Variants in NFIA observed in about 807,000 individuals in gnomAD.
NFIA encodes the protein nuclear factor 1 A-type.
A neutral mutation model predicts 62.8 loss-of-function variants in NFIA; 8 were observed. That is an observed-to-expected ratio of 0.13 (90% CI 0.07 to 0.23). The LOEUF (loss-of-function observed/expected upper bound fraction) is 0.23, where lower values mean the gene tolerates loss of function less well. Among genes scored for constraint, NFIA ranks in the 10% least tolerant of loss-of-function variants. The probability of loss-of-function intolerance (pLI) is 1.00; values close to 1 mark genes in which losing one functional copy is unlikely to be tolerated. For synonymous variants in NFIA, 235 were observed against 238.1 expected, an observed-to-expected ratio of 0.99 and a Z score of 0.12; for missense variants, 410 against 642.1, an observed-to-expected ratio of 0.64 and a Z score of 3.91.
At chr1:61,362,327 G>A (rs1663341710) in intron 6 of NFIA, among the ~76,000 whole-genome samples, 2 of 152,180 alleles carry the variant, frequency 1.3e-5, no homozygotes, top group African/African-American at 4.8e-5. Flanking sequence ...TGCACCAGCA[G>A]CCTCTTGGTT....
chr1:61,170,618 A>C (rs1649896016), intron 2 of NFIA, among the ~76,000 whole-genome samples: 1 of 152,070 alleles, frequency 6.6e-6, no homozygotes, highest in African/African-American at 2.4e-5. Flanking sequence ...ACACCCCCAG[A>C]CCTTTTTTTG....
intron 2 of NFIA, among the ~76,000 whole-genome samples, chr1:61,259,593 A>AAAGGGAG (rs1408035933): frequency 6.6e-6 from 1 of 152,144 alleles, no homozygotes; most frequent in Non-Finnish European, 1.5e-5. Context: ...AAGGGAAAGG[A>AAAGGGAG]TTCTGACGTT....
chr1:61,161,621 GCAGA>G (rs1245258086), intron 2 of NFIA, among the ~76,000 whole-genome samples: 19 of 141,392 alleles, frequency 1.3e-4, no homozygotes, highest in East Asian at 8.4e-4. Context: ...ACACACACAC[GCAGA>G]CAGTCTCTGA....
At chr1:61,386,792 T>C (rs1310443748) in intron 7 of NFIA, among the ~76,000 whole-genome samples, 2 of 152,196 alleles carry the variant, frequency 1.3e-5, no homozygotes, top group African/African-American at 4.8e-5. Context: ...TTGTCTGTTT[T>C]GACTGCCAGA....
intron 7 of NFIA, among the ~76,000 whole-genome samples, chr1:61,400,458 A>G (rs1665495386): frequency 2.0e-5 from 3 of 152,208 alleles, no homozygotes; most frequent in African/African-American, 7.2e-5. Context: ...GAAGCAGCCA[A>G]TTTTGTAGTG....
rs1418991171 is a variant in NFIA, at chr1:61,457,686, G to A, written c.*2366G>A. 6.6e-6 allele frequency: 1 copy of A among 151,704 alleles called. No individual in the cohort carries two copies. Among genetic ancestry groups the A allele is most frequent in the Non-Finnish European group, 1.5e-5 (1 of 67,924 alleles). 9.4% of individuals were successfully genotyped at this position (151,704 alleles called of 1,614,324 possible). ...GCTGCACTTGACGCAGTGTGTTTTA[G>A]GTGTTTGTCTTTGTACTTTTTTGTG... On this transcript the variant is annotated 3_prime_UTR_variant, in exon 11 of 11. Transcript: ENST00000403491. This position sits in a 1 kb window ranked among gnomAD's most constrained non-coding sequence, Gnocchi z 4.2.
At chr1:61,160,738 G>A (rs1649139442) in intron 2 of NFIA, among the ~76,000 whole-genome samples, 1 of 152,164 alleles carries the variant, frequency 6.6e-6, no homozygotes, top group Non-Finnish European at 1.5e-5. Flanking sequence ...TGTACACACT[G>A]AGAAAGTTCT....
chr1:61,441,733 G>T (rs1667591816), intron 10 of NFIA, among the ~76,000 whole-genome samples: 2 of 152,114 alleles, frequency 1.3e-5, no homozygotes, highest in African/African-American at 2.4e-5. Context: ...TTAGTATCCA[G>T]TTGTTCTCTC....
At chr1:61,361,783 GT>G (rs1557732549) in intron 6 of NFIA, among the ~76,000 whole-genome samples, 1 of 194 alleles carries the variant, frequency 5.2e-3, no homozygotes, top group African/African-American at 0.02. Context: ...TTGGTAAGAG[GT>G]GTGTGTGTGT....
chr1:61,089,523 C>T (rs1402325670), intron 2 of NFIA, among the ~76,000 whole-genome samples: 1 of 151,966 alleles, frequency 6.6e-6, no homozygotes, highest in Non-Finnish European at 1.5e-5. Context: ...ACAAAAGGCT[C>T]ATTGTGCTAT....
intron 4 of NFIA, among the ~76,000 whole-genome samples, chr1:61,347,748 G>A (rs762850225): frequency 1.4e-4 from 21 of 152,136 alleles, no homozygotes; most frequent in Non-Finnish European, 2.5e-4. Flanking sequence ...ATTCCACTTA[G>A]GTTGTAAACC....
At chr1:61,095,630 T>C (rs1403585239) in intron 2 of NFIA, among the ~76,000 whole-genome samples, 1 of 152,188 alleles carries the variant, frequency 6.6e-6, no homozygotes, top group African/African-American at 2.4e-5. Flanking sequence ...AGGCCACACT[T>C]GATAAAGAGA....
At chr1:61,213,182 A>G (rs978935176) in intron 2 of NFIA, among the ~76,000 whole-genome samples, 3 of 152,226 alleles carry the variant, frequency 2.0e-5, no homozygotes, top group Non-Finnish European at 2.9e-5. Context: ...GATGTACAGG[A>G]TATGAAAATG....
chr1:61,146,576 T>A (rs186178209), intron 2 of NFIA, among the ~76,000 whole-genome samples: 5 of 152,294 alleles, frequency 3.3e-5, no homozygotes, highest in Non-Finnish European at 5.9e-5. Context: ...CAAAAACCCC[T>A]CCTCCAAGGA....
At chr1:61,114,364 C>T (rs1049267209) in intron 2 of NFIA, among the ~76,000 whole-genome samples, 34 of 151,972 alleles carry the variant, frequency 2.2e-4, no homozygotes, top group South Asian at 2.1e-4. Context: ...GTGGCCTTTG[C>T]CTGTAGTCCC....
At chr1:61,167,288 T>A (rs1386393178) in intron 2 of NFIA, among the ~76,000 whole-genome samples, 1 of 152,232 alleles carries the variant, frequency 6.6e-6, no homozygotes, top group Non-Finnish European at 1.5e-5. Flanking sequence ...GATCGTGTAC[T>A]GATTTGGAGT....
At position 61,208,167 on chromosome 1, in the gene NFIA, A is replaced by C. The variant is rs539998096; in HGVS notation, c.560-69353A>C. Among the ~76,000 whole-genome samples, 3 of 152,078 alleles carry C rather than the reference A, an allele frequency of 2.0e-5. No homozygotes were observed. The South Asian group carries it at 6.2e-4, about 32-fold the overall frequency. ...TCACTTAGGTGAACCGTTCCCTATA[A>C]CTAGATCATCCTTTGCTTTTTCCTG... is the stretch of plus-strand genomic sequence containing the variant. On this transcript the variant is annotated intron_variant, in intron 2 of 10. Coordinates refer to ENST00000403491, the MANE Select transcript of NFIA (RefSeq NM_001134673.4).
intron 9 of NFIA, among the ~76,000 whole-genome samples, chr1:61,415,789 T>A (rs1384745932): frequency 6.6e-6 from 1 of 152,126 alleles, no homozygotes; most frequent in Admixed American, 6.5e-5. Context: ...CACAAAAACA[T>A]GTTTACATTT....
chr1:61,144,507 G>C (rs1039547317), intron 2 of NFIA, among the ~76,000 whole-genome samples: 1 of 152,118 alleles, frequency 6.6e-6, no homozygotes, highest in Admixed American at 6.5e-5. Flanking sequence ...AGAGGCACTT[G>C]GACATTTGTA....
Sources: gnomAD v4.1 joint callset for allele counts (sites outside exome capture counted in the v4.1 genomes callset) on GRCh38, gnomAD v4.1.1 for gene constraint, Gnocchi (gnomAD v3.1) non-coding constraint, MANE v1.5 for transcripts, NCBI Gene and HGNC (gene_info 2026-07-23, HGNC 2026-07-21) for gene names.